MEGF11: variants seen among roughly 807,000 people sequenced by gnomAD.
MEGF11 encodes the protein multiple epidermal growth factor-like domains protein 11.
MEGF11 carries 126 observed loss-of-function variants against 146.6 expected under a neutral mutation model. That is an observed-to-expected ratio of 0.86 (90% confidence interval 0.74 to 1.00). The LOEUF (loss-of-function observed/expected upper bound fraction) is 1.00. Among genes scored for constraint, MEGF11 ranks in the 50% least tolerant of loss-of-function variants. The pLI, the probability that MEGF11 is intolerant of heterozygous loss-of-function variation, is 0.00. For synonymous variants in MEGF11, 532 were observed against 583.4 expected (o/e 0.91, Z 1.27); for missense variants, 1,509 against 1,521.2 (o/e 0.99, Z 0.13).
At chr15:65,997,328 G>A (rs1596970377) in intron 5 of MEGF11, among the ~76,000 whole-genome samples, 1 of 152,326 alleles carries the variant, frequency 6.6e-6, no homozygotes, top group African/African-American at 2.4e-5. Context: ...AGCTTGGTGG[G>A]TCATTTGTTC....
chr15:66,253,094 G>C (rs902549092), intron 1 of MEGF11, among the ~76,000 whole-genome samples: 1 of 152,248 alleles, frequency 6.6e-6, no homozygotes, highest in Non-Finnish European at 1.5e-5. Context: ...CGGCCGCGGG[G>C]CGCATCGCCG....
At position 65,980,778 on chromosome 15, in the gene MEGF11, C is replaced by T. The variant is rs540013008; in HGVS notation, c.762G>A (p.Thr254=). The change falls in exon 7 of 26, where the codon ACG becomes ACA. Residue 254 remains threonine, a splice_region_variant and synonymous_variant. Coordinates refer to ENST00000395614, the MANE Select transcript of MEGF11 (RefSeq NM_001385028.1). Reference sequence around the variant, plus strand: ...ACCCAGATCCTTTGGGCCCACTTACCGTCCAGCCTGGGGGGCAGGCACACT... The same window carrying T: ...ACCCAGATCCTTTGGGCCCACTTACTGTCCAGCCTGGGGGGCAGGCACACT... ...TGECACPPGW[T]GAVCAQPCPP... is the part of the protein sequence containing the mutation. The T allele has an allele frequency of 1.9e-5, 30 of 1,598,268 alleles. No homozygotes were observed. The highest frequency in any genetic ancestry group is 1.7e-4 in the Middle Eastern group (1 of 5,984).
chr15:66,245,097 C>T (rs1323579413), intron 1 of MEGF11, among the ~76,000 whole-genome samples: 2 of 152,084 alleles, frequency 1.3e-5, no homozygotes, highest in African/African-American at 4.8e-5. Flanking sequence ...GGGGAGGTCA[C>T]CTGAGGATGC....
At chr15:65,912,791 C>T (rs1011263216) in intron 20 of MEGF11, among the ~76,000 whole-genome samples, 5 of 152,206 alleles carry the variant, frequency 3.3e-5, no homozygotes, top group Non-Finnish European at 7.3e-5. Flanking sequence ...TGTGCACTGG[C>T]CTGCCTCTGT....
chr15:65,937,136 C>T (rs902403556), intron 10 of MEGF11, among the ~76,000 whole-genome samples: 2 of 152,222 alleles, frequency 1.3e-5, no homozygotes, highest in East Asian at 1.9e-4. Context: ...CTGGGACTTG[C>T]AGGCCACTGC....
intron 7 of MEGF11, among the ~76,000 whole-genome samples, chr15:65,971,942 G>A (rs1346485521): frequency 2.6e-5 from 4 of 152,178 alleles, no homozygotes; most frequent in African/African-American, 9.7e-5. Flanking sequence ...ACATGCTCAT[G>A]TAGCTATAAG....
At chr15:66,123,495 C>G (rs535675375) in intron 3 of MEGF11, among the ~76,000 whole-genome samples, 14 of 152,168 alleles carry the variant, frequency 9.2e-5, no homozygotes, top group Non-Finnish European at 1.9e-4. Context: ...AAAAGTGAGA[C>G]AGGGAAGTAA....
intron 7 of MEGF11, among the ~76,000 whole-genome samples, chr15:65,979,823 G>A (rs1266508289): frequency 6.6e-6 from 1 of 152,164 alleles, no homozygotes; most frequent in Admixed American, 6.5e-5. Flanking sequence ...GCTCACTGTT[G>A]TTATATCAGT....
intron 14 of MEGF11, 75 bp from the exon 15 acceptor site, chr15:65,922,547 CT>C (rs1413314798): frequency 1.4e-4 from 199 of 1,468,890 alleles, no homozygotes; most frequent in Non-Finnish European, 1.8e-4. Flanking sequence ...CTGTTCCACA[CT>C]TCTCAGAAAC....
At chr15:65,987,269 C>G (rs772959836) in intron 5 of MEGF11, among the ~76,000 whole-genome samples, 29 of 152,298 alleles carry the variant, frequency 1.9e-4, no homozygotes, top group Non-Finnish European at 1.8e-4. Flanking sequence ...ATAGCACTTG[C>G]TGCAGATGGA....
At chr15:65,899,018 T>C in intron 24 of MEGF11, 84 bp from the exon 25 acceptor site, 7 of 1,362,182 alleles carry the variant, frequency 5.1e-6, no homozygotes, top group Non-Finnish European at 7.2e-6. Context: ...GTTGAGTTTA[T>C]GTGCCTTCAG....
At chr15:66,062,077 C>G (rs1211144461) in intron 5 of MEGF11, among the ~76,000 whole-genome samples, 3 of 152,186 alleles carry the variant, frequency 2.0e-5, no homozygotes, top group Admixed American at 6.5e-5. Flanking sequence ...TCTTTTTGGT[C>G]AGGTGATCTG....
intron 20 of MEGF11, among the ~76,000 whole-genome samples, chr15:65,913,253 A>C (rs1309528035): frequency 6.6e-6 from 1 of 152,160 alleles, no homozygotes; most frequent in Admixed American, 6.5e-5. Context: ...CAAGTCAGGT[A>C]CTGTCCCCTT....
At chr15:66,100,491 A>G (rs976733786) in intron 4 of MEGF11, among the ~76,000 whole-genome samples, 1 of 152,206 alleles carries the variant, frequency 6.6e-6, no homozygotes, top group African/African-American at 2.4e-5. Context: ...GGATTCTGCT[A>G]CTTCCCGGTT....
At chr15:66,060,937 G>A (rs534361750) in intron 5 of MEGF11, among the ~76,000 whole-genome samples, 1 of 152,352 alleles carries the variant, frequency 6.6e-6, no homozygotes, top group South Asian at 2.1e-4. Context: ...CCCACCTGCT[G>A]TGCCCAGGAC....
At chr15:66,112,249 A>G (rs1053018747) in intron 4 of MEGF11, among the ~76,000 whole-genome samples, 7 of 152,178 alleles carry the variant, frequency 4.6e-5, no homozygotes, top group Non-Finnish European at 8.8e-5. Context: ...AAAATAATTA[A>G]AGCAATAAAA....
intron 8 of MEGF11, chr15:65,967,173 T>TCG (rs2081133540): frequency 6.6e-6 from 1 of 152,242 alleles, no homozygotes; most frequent in Non-Finnish European, 1.5e-5. Flanking sequence ...TGTAAACATT[T>TCG]AGAAAGGCGC....
chr15:66,214,485 T>C (rs573702703), intron 1 of MEGF11, among the ~76,000 whole-genome samples: 1 of 152,286 alleles, frequency 6.6e-6, no homozygotes, highest in Admixed American at 6.5e-5. Flanking sequence ...GGGAAGCCCT[T>C]GCTTTCCTGG....
intron 1 of MEGF11, among the ~76,000 whole-genome samples, chr15:66,145,445 G>A (rs919480771): frequency 2.0e-5 from 3 of 152,224 alleles, no homozygotes; most frequent in Admixed American, 1.3e-4. Flanking sequence ...CCAGCAGCTC[G>A]GACATTAATA....
Sources: allele counts gnomAD v4.1 joint callset (sites outside exome capture counted in the v4.1 genomes callset), GRCh38; gene constraint gnomAD v4.1.1; transcripts MANE v1.5; gene names NCBI Gene and HGNC (gene_info 2026-07-23, HGNC 2026-07-21).